Variants in NPSR1 observed in about 807,000 individuals in gnomAD.
NPSR1 encodes neuropeptide S receptor.
NPSR1 carries 48 observed loss-of-function variants against 46.9 expected under a neutral mutation model. The observed-to-expected ratio is 1.02, with a 90% confidence interval of 0.81 to 1.30. NPSR1 has a LOEUF of 1.30. Ranked by LOEUF, NPSR1 falls within the 50% of genes most tolerant of loss-of-function variation. The pLI is 0.00. For missense variants in NPSR1, 450 were observed against 449.5 expected (o/e 1.00, Z -0.01); for synonymous variants, 176 against 168.1 (o/e 1.05, Z -0.36).
At chr7:34,768,191 G>A (rs1433930279) in intron 2 of NPSR1, among the ~76,000 whole-genome samples, 2 of 152,102 alleles carry the variant, frequency 1.3e-5, no homozygotes, top group African/African-American at 2.4e-5. Context: ...CTTCTTATCT[G>A]AAGCAATTAA....
At chr7:34,797,655 C>A (rs937133537) in intron 3 of NPSR1, among the ~76,000 whole-genome samples, 1 of 152,036 alleles carries the variant, frequency 6.6e-6, no homozygotes, top group African/African-American at 2.4e-5. Flanking sequence ...ATGGCAAACA[C>A]CAATCCAGAG....
rs553012456 is a variant in NPSR1, at chr7:34,867,625, C to T, written c.1026-10451C>T. ...TGTCATCTTTCTTCCTGAAGATTTC[C>T]GATATCACCCCAGGAGCAACAGGGA... On this transcript the variant is annotated intron_variant, in intron 8 of 8. Coordinates refer to the NPSR1 transcript ENST00000359791. Among the ~76,000 whole-genome samples, 8 of 151,878 alleles carry T rather than the reference C, an allele frequency of 5.3e-5. No homozygotes were observed. In the South Asian group the frequency reaches 8.3e-4, roughly 16 times the overall value.
intron 4 of NPSR1, among the ~76,000 whole-genome samples, chr7:34,821,992 G>A (rs2128753920): frequency 6.6e-6 from 1 of 152,262 alleles, no homozygotes; most frequent in Middle Eastern, 3.4e-3. Flanking sequence ...TGAGAGCCAA[G>A]GAAAGAAGCC....
At chr7:34,874,548 T>G (rs2128770940) in intron 8 of NPSR1, among the ~76,000 whole-genome samples, 1 of 152,254 alleles carries the variant, frequency 6.6e-6, no homozygotes, top group Admixed American at 6.5e-5. Context: ...TAGTCAGAAA[T>G]GGATTATTTC....
intron 2 of NPSR1, among the ~76,000 whole-genome samples, chr7:34,733,048 T>C (rs999947481): frequency 5.9e-5 from 9 of 152,210 alleles, no homozygotes; most frequent in African/African-American, 1.2e-4. Context: ...AATTCAAAAA[T>C]TGCTCATCAA....
chr7:34,659,837 C>A (rs1791365190), intron 1 of NPSR1, among the ~76,000 whole-genome samples: 1 of 152,188 alleles, frequency 6.6e-6, no homozygotes, highest in Non-Finnish European at 1.5e-5. Context: ...TCTGTCTTGG[C>A]AGGCTGTGTG....
chr7:34,765,504 G>C (rs1269439252), intron 2 of NPSR1, among the ~76,000 whole-genome samples: 1 of 152,184 alleles, frequency 6.6e-6, no homozygotes, highest in Non-Finnish European at 1.5e-5. Flanking sequence ...TCCACTGTTG[G>C]AAGCAGTCTG....
At chr7:34,864,761 A>G (rs1435242384) in intron 8 of NPSR1, among the ~76,000 whole-genome samples, 1 of 151,854 alleles carries the variant, frequency 6.6e-6, no homozygotes, top group African/African-American at 2.4e-5. Flanking sequence ...GAAGAGACTA[A>G]AACAACACCC....
chr7:34,746,115 TC>T (rs1210099227), intron 2 of NPSR1, among the ~76,000 whole-genome samples: 1 of 152,182 alleles, frequency 6.6e-6, no homozygotes, highest in Non-Finnish European at 1.5e-5. Context: ...TTCCTGTGCC[TC>T]CAAAATGTTT....
chr7:34,799,633 C>G (rs1477163591), intron 3 of NPSR1, among the ~76,000 whole-genome samples: 1 of 149,010 alleles, frequency 6.7e-6, no homozygotes. Flanking sequence ...TAAAGACCAT[C>G]GAGAGTAGGA....
intron 8 of NPSR1, among the ~76,000 whole-genome samples, chr7:34,863,619 G>GA (rs1374586934): frequency 6.6e-6 from 1 of 151,792 alleles, no homozygotes. Flanking sequence ...ACAAACGTAT[G>GA]AAAAAAGTTC....
chr7:34,791,423 C>T (rs542223431), intron 3 of NPSR1, among the ~76,000 whole-genome samples: 1 of 144,430 alleles, frequency 6.9e-6, no homozygotes, highest in South Asian at 2.1e-4. Flanking sequence ...TATACACTAA[C>T]AATGAACTAT....
chr7:34,750,083 G>C (rs781080643), intron 2 of NPSR1, among the ~76,000 whole-genome samples: 1 of 151,096 alleles, frequency 6.6e-6, no homozygotes, highest in Non-Finnish European at 1.5e-5. Flanking sequence ...AGTTCAGTTA[G>C]GCTAATTTAA....
chr7:34,783,275 A>G (rs921954644), intron 3 of NPSR1, among the ~76,000 whole-genome samples: 2 of 152,174 alleles, frequency 1.3e-5, no homozygotes, highest in African/African-American at 4.8e-5. Flanking sequence ...AGGCCTCAGG[A>G]AACTTATAAT....
intron 2 of NPSR1, among the ~76,000 whole-genome samples, chr7:34,691,091 A>T (rs1793227272): frequency 6.6e-6 from 1 of 152,208 alleles, no homozygotes; most frequent in Non-Finnish European, 1.5e-5. Context: ...CTTAAAGAAC[A>T]AATGTGCCAG....
At chr7:34,787,233 T>G (rs1787504757) in intron 3 of NPSR1, among the ~76,000 whole-genome samples, 1 of 152,160 alleles carries the variant, frequency 6.6e-6, no homozygotes, top group African/African-American at 2.4e-5. Flanking sequence ...ATGTTTATAT[T>G]ACAGAGACAA....
chr7:34,861,492 G>A (rs79245500), intron 8 of NPSR1, among the ~76,000 whole-genome samples: 10,063 of 151,780 alleles, frequency 0.066, 512 homozygotes, highest in Middle Eastern at 0.19. Flanking sequence ...TTTTGCAGTA[G>A]TATGTATTGC....
At chr7:34,857,233 G>T (rs1364016974) in intron 8 of NPSR1, among the ~76,000 whole-genome samples, 7 of 151,702 alleles carry the variant, frequency 4.6e-5, no homozygotes, top group Admixed American at 4.6e-4. Context: ...AGAATGCCAA[G>T]AGGAATTTGG....
chr7:34,834,921 C>A (rs1335745260), intron 6 of NPSR1, among the ~76,000 whole-genome samples: 1 of 152,224 alleles, frequency 6.6e-6, no homozygotes, highest in East Asian at 1.9e-4. Context: ...AGTAAAGGCA[C>A]GGTAGTCCAT....
Sources: gnomAD v4.1 joint callset for allele counts (sites outside exome capture counted in the v4.1 genomes callset) on GRCh38, gnomAD v4.1.1 for gene constraint, MANE v1.5 for transcripts, NCBI Gene and HGNC (gene_info 2026-07-23, HGNC 2026-07-21) for gene names.